The following MCPH1 variants were observed in gnomAD, a reference collection of about 807,000 sequenced individuals.
MCPH1 encodes microcephalin.
Under a neutral mutation model 84.5 loss-of-function variants are expected in MCPH1, and 104 were observed. The observed-to-expected ratio is 1.23, with a 90% confidence interval of 1.05 to 1.45. The LOEUF (loss-of-function observed/expected upper bound fraction) is 1.45, where lower values mean the gene tolerates loss of function less well. MCPH1 is among the 40% of genes most tolerant of loss of function. MCPH1 has a pLI of 0.00. For missense variants in MCPH1, 1,498 were observed against 1,005.7 expected (o/e 1.49, Z -6.62); for synonymous variants, 514 against 366.8 (o/e 1.40, Z -4.58).
At chr8:6,545,724 A>T (rs779907391) in intron 12 of MCPH1, among the ~76,000 whole-genome samples, 8 of 152,238 alleles carry the variant, frequency 5.3e-5, no homozygotes, top group Non-Finnish European at 1.0e-4. Flanking sequence ...TGTCTGAGTC[A>T]TGTATTGGAT....
chr8:6,444,903 T>A lies in MCPH1; in HGVS notation c.1181T>A (p.Leu394Gln). Residue 394 changes from leucine to glutamine, a missense_variant, in exon 8 of 14, where the codon CTG becomes CAG. Leu to Gln is a moderately radical substitution (Grantham distance 113). Transcript: ENST00000344683. ...CAGCTGTGCAGGTCGGAAGACAGGC[T>A]GCAGCACGTGGCGGGACCTGCCCTG... ...RLQLCRSEDR[L>Q]QHVAGPALEA... 1.2e-6 allele frequency: 2 copies of A among 1,614,168 alleles called. No homozygotes were observed. Among genetic ancestry groups the A allele is most frequent in the Non-Finnish European group, 1.7e-6 (2 of 1,180,006 alleles).
chr8:6,466,129 A>ATTTTTTTTTTTTTTTTTTTTTTTTT lies in MCPH1; in HGVS notation c.1935+10900_1935+10901insTTTTTTTTTTTTTTTTTTTTTTTTT, dbSNP rs751729134. ...GCCACTACACCTGGCTAATTTTTGG[A>ATTTTTTTTTTTTTTTTTTTTTTTTT]TTTTTTTTTTTTTTTTTTTTTTTCC... On this transcript the variant is annotated intron_variant, in intron 9 of 13. Coordinates refer to ENST00000344683, the MANE Select transcript of MCPH1 (RefSeq NM_024596.5). Among the ~76,000 whole-genome samples the ATTTTTTTTTTTTTTTTTTTTTTTTT allele has an allele frequency of 1.0e-4, 2 of 19,786 alleles. 1 individual carries two copies. The allele number at this position is 19,786 out of a possible 152,430, so 13.0% of individuals were successfully genotyped here.
rs369749696 is a variant in MCPH1, at chr8:6,409,268, C to A, written c.23-11C>A. 2.5e-6 allele frequency: 4 copies of A among 1,602,144 alleles called. No homozygotes were observed. In the African/African-American group the frequency reaches 5.3e-5, roughly 21 times the overall value. On this transcript the variant is annotated splice_polypyrimidine_tract_variant and intron_variant, in intron 1 of 13. Transcript: ENST00000344683. ...TCAAATGTATGTTTCATGTTCATAT[C>A]TTGTTTTCAGATGTAGTGGCCTATG...
chr8:6,623,803 T>C (rs1383243884), intron 13 of MCPH1, among the ~76,000 whole-genome samples: 1 of 151,878 alleles, frequency 6.6e-6, no homozygotes, highest in East Asian at 1.9e-4. Flanking sequence ...AAACATCCTA[T>C]GTTCTGAAAC....
intron 3 of MCPH1, among the ~76,000 whole-genome samples, chr8:6,425,827 G>C (rs939687023): frequency 6.6e-6 from 1 of 152,196 alleles, no homozygotes; most frequent in Non-Finnish European, 1.5e-5. Flanking sequence ...GGCTTCTCAT[G>C]AGCTGGGTGA....
intron 6 of MCPH1, among the ~76,000 whole-genome samples, chr8:6,439,883 C>T (rs1336011147): frequency 1.3e-5 from 2 of 152,164 alleles, no homozygotes; most frequent in African/African-American, 4.8e-5. Flanking sequence ...TAATTGTACT[C>T]TTCTACCTGG....
intron 12 of MCPH1, among the ~76,000 whole-genome samples, chr8:6,605,360 G>C (rs970394232): frequency 2.0e-5 from 3 of 152,160 alleles, no homozygotes; most frequent in Non-Finnish European, 4.4e-5. Context: ...CCAGGGGTGA[G>C]TTTTGTAACT....
intron 12 of MCPH1, among the ~76,000 whole-genome samples, chr8:6,581,241 T>A (rs1486318988): frequency 1.3e-5 from 2 of 152,238 alleles, no homozygotes; most frequent in Admixed American, 6.5e-5. Flanking sequence ...ATTAGTGGAA[T>A]GCTAACCATG....
chr8:6,529,063 G>C (rs2922886), intron 12 of MCPH1, among the ~76,000 whole-genome samples: 57,895 of 151,838 alleles, frequency 0.38, 11,052 homozygotes, highest in Middle Eastern at 0.46. Context: ...GTTATAACAT[G>C]AGTAAAATTC....
rs917364219 is a variant in MCPH1, at chr8:6,645,723, T to C, written c.*2674T>C. 2 of 151,814 alleles carry C rather than the reference T, an allele frequency of 1.3e-5. No homozygotes were observed. Among genetic ancestry groups the C allele is most frequent in the African/African-American group, 2.4e-5 (1 of 41,348 alleles). The allele number at this position is 151,814 out of a possible 1,614,324, so 9.4% of individuals were successfully genotyped here. A position where few individuals can be genotyped will look rare whatever the true frequency, so the allele number is the denominator to read the frequency against. ...TACAAACCTAACAGAATTGTATTTATATATACTGTCAATAAGCAATTCAAA... is the reference window on the plus strand; with the variant it reads ...TACAAACCTAACAGAATTGTATTTACATATACTGTCAATAAGCAATTCAAA... On this transcript the variant is annotated 3_prime_UTR_variant, in exon 14 of 14. Transcript: ENST00000344683.
At chr8:6,419,517 C>G (rs926700631) in intron 3 of MCPH1, among the ~76,000 whole-genome samples, 2 of 151,850 alleles carry the variant, frequency 1.3e-5, no homozygotes, top group Non-Finnish European at 2.9e-5. Context: ...CTCAGCCTCC[C>G]GAGTAGCTGG....
chr8:6,460,789 C>A (rs1806195987), intron 9 of MCPH1, among the ~76,000 whole-genome samples: 1 of 152,012 alleles, frequency 6.6e-6, no homozygotes, highest in Admixed American at 6.6e-5. Flanking sequence ...GGGCTTCTGA[C>A]TCTGGTTCAC....
Position 6,445,259 on chromosome 8 carries a change from G to C in MCPH1, c.1537G>C (p.Ala513Pro). ...PEEALRCCRQ[A>P]GKEDACPEGN... Reference sequence around the variant, plus strand: ...AGAAGCCCTAAGGTGTTGTAGACAGGCTGGGAAAGAAGACGCATGCCCAGA... The same window carrying C: ...AGAAGCCCTAAGGTGTTGTAGACAGCCTGGGAAAGAAGACGCATGCCCAGA... The change falls in exon 8 of 14, where the codon GCT becomes CCT. Residue 513 changes from alanine to proline, a missense_variant. Transcript: ENST00000344683. 6.2e-7 allele frequency: 1 copy of C among 1,614,186 alleles called. No homozygotes were observed. The highest frequency in any genetic ancestry group is 8.5e-7 in the Non-Finnish European group (1 of 1,180,026).
intron 12 of MCPH1, among the ~76,000 whole-genome samples, chr8:6,527,897 C>G (rs1281525108): frequency 9.4e-6 from 1 of 105,958 alleles, no homozygotes; most frequent in South Asian, 3.2e-4. Flanking sequence ...CCCCACGTCT[C>G]TATTTTTTTT....
At chr8:6,439,193 C>T in intron 6 of MCPH1, 97 bp downstream of exon 6, 3 of 1,217,542 alleles carry the variant, frequency 2.5e-6, no homozygotes, top group Non-Finnish European at 3.5e-6. Flanking sequence ...TTAATGTTTC[C>T]TGGTAGTAAC....
intron 3 of MCPH1, among the ~76,000 whole-genome samples, chr8:6,425,311 TATC>T (rs1800897406): frequency 6.6e-6 from 1 of 152,246 alleles, no homozygotes; most frequent in Non-Finnish European, 1.5e-5. Flanking sequence ...GGGATAATGT[TATC>T]ATTTTACATT....
intron 2 of MCPH1, among the ~76,000 whole-genome samples, chr8:6,414,531 A>G (rs1008774142): frequency 5.3e-5 from 8 of 152,112 alleles, no homozygotes; most frequent in African/African-American, 1.4e-4. Flanking sequence ...CTCCAACTCT[A>G]TTCTTTCAGT....
Position 6,581,750 on chromosome 8 carries a change from C to A in MCPH1, c.2215-39704C>A, listed in dbSNP as rs181519033. Among the ~76,000 whole-genome samples, 55 of 152,244 alleles carry A rather than the reference C, an allele frequency of 3.6e-4. 1 individual carries two copies. The East Asian group carries it at 0.01, about 28-fold the overall frequency. On this transcript the variant is annotated intron_variant, in intron 12 of 13. Coordinates refer to ENST00000344683, the MANE Select transcript of MCPH1 (RefSeq NM_024596.5). ...CTGCTGTAACAACATATCATTCAAA[C>A]TGGGTGTCTTATAAACGATAGAAAT...
At chr8:6,568,860 T>A (rs142451090) in intron 12 of MCPH1, among the ~76,000 whole-genome samples, 322 of 152,346 alleles carry the variant, frequency 2.1e-3, no homozygotes, top group African/African-American at 7.5e-3. Context: ...CAGACTTATT[T>A]GGGCAGCCTG....
Sources: gnomAD v4.1 joint callset for allele counts (sites outside exome capture counted in the v4.1 genomes callset) on GRCh38, gnomAD v4.1.1 for gene constraint, MANE v1.5 for transcripts, NCBI Gene and HGNC (gene_info 2026-07-23, HGNC 2026-07-21) for gene names.